The following RNLS variants were observed in gnomAD, a reference collection of about 807,000 sequenced individuals.
RNLS encodes the protein renalase, FAD dependent amine oxidase.
In RNLS, 39 loss-of-function variants were observed where a neutral mutation model predicts 39.8. That is an observed-to-expected ratio of 0.98 (90% CI 0.76 to 1.28). The LOEUF is 1.28. RNLS is among the 50% of genes most tolerant of loss of function. The probability of loss-of-function intolerance (pLI) is 0.00; values close to 1 mark genes in which losing one functional copy is unlikely to be tolerated. For missense variants in RNLS, 410 were observed against 413.3 expected, an observed-to-expected ratio of 0.99 and a Z score of 0.07; for synonymous variants, 147 against 150.7, an observed-to-expected ratio of 0.98 and a Z score of 0.18.
intron 4 of RNLS, among the ~76,000 whole-genome samples, chr10:88,383,041 G>A (rs1001998693): frequency 2.1e-4 from 32 of 152,024 alleles, no homozygotes; most frequent in African/African-American, 5.3e-4. Context: ...ATTCATCAGC[G>A]GTGCTTTGTG....
At chr10:88,490,824 G>A (rs189207403) in intron 4 of RNLS, among the ~76,000 whole-genome samples, 2 of 151,906 alleles carry the variant, frequency 1.3e-5, no homozygotes, top group Admixed American at 6.6e-5. Flanking sequence ...CAAACAGGAG[G>A]GAAAAACAAC....
chr10:88,455,365 A>G (rs1301031157), intron 4 of RNLS, among the ~76,000 whole-genome samples: 4 of 152,192 alleles, frequency 2.6e-5, no homozygotes, highest in African/African-American at 9.6e-5. Context: ...CAAGCAAGGA[A>G]TTCTTCCTGT....
chr10:88,458,274 T>C (rs1233310067), intron 4 of RNLS, among the ~76,000 whole-genome samples: 4 of 152,218 alleles, frequency 2.6e-5, no homozygotes, highest in African/African-American at 9.6e-5. Flanking sequence ...GGCAGAAGCA[T>C]AGCAAAACCT....
chr10:88,542,764 T>C (rs1231323461), intron 4 of RNLS, among the ~76,000 whole-genome samples: 1 of 152,118 alleles, frequency 6.6e-6, no homozygotes, highest in Non-Finnish European at 1.5e-5. Flanking sequence ...AAGAAGCATA[T>C]TTGATTACAA....
At chr10:88,234,300 G>C in the RNLS span, among the ~76,000 whole-genome samples, 1 of 151,982 alleles carries the variant, frequency 6.6e-6, no homozygotes, top group Non-Finnish European at 1.5e-5. Context: ...TTGGCATTGA[G>C]ACTCTCATGC....
At chr10:88,260,486 A>G in the RNLS span, among the ~76,000 whole-genome samples, 1 of 152,228 alleles carries the variant, frequency 6.6e-6, no homozygotes, top group Non-Finnish European at 1.5e-5. Context: ...CTGAGTGGCT[A>G]GCTAAATTGA....
chr10:88,321,004 T>C (rs1250465571), intron 5 of RNLS, among the ~76,000 whole-genome samples: 1 of 151,644 alleles, frequency 6.6e-6, no homozygotes, highest in Non-Finnish European at 1.5e-5. Context: ...TATGTTTTTC[T>C]CATCTGTGCA....
the RNLS span, among the ~76,000 whole-genome samples, chr10:88,225,435 C>T: frequency 2.0e-5 from 3 of 152,198 alleles, no homozygotes; most frequent in African/African-American, 7.2e-5. Context: ...CAACTGGGAG[C>T]TGGGTGCGGT....
At chr10:88,238,478 A>T in the RNLS span, among the ~76,000 whole-genome samples, 1 of 152,200 alleles carries the variant, frequency 6.6e-6, no homozygotes, top group Admixed American at 6.5e-5. Context: ...TTGAGGCTGG[A>T]GGCTGATGGA....
rs141472301 is a variant in RNLS, at chr10:88,305,643, T to C, written c.876+8823A>G. Among the ~76,000 whole-genome samples the C allele has an allele frequency of 4.8e-3, 734 of 152,290 alleles. 5 individuals are homozygous for C. The highest frequency in any genetic ancestry group is 0.017 in the African/African-American group (693 of 41,546). ...AGAAGATCTAACTATCCTAAATATA[T>C]ATGCACCCAATACAGGAGCACCTAG... On this transcript the variant is annotated intron_variant, in intron 6 of 6. Transcript: ENST00000331772.
At chr10:88,519,410 CAT>C (rs1411561705) in intron 4 of RNLS, among the ~76,000 whole-genome samples, 7 of 151,230 alleles carry the variant, frequency 4.6e-5, no homozygotes, top group Non-Finnish European at 1.5e-5. Context: ...ATAAAAACAA[CAT>C]ATATATATTT....
chr10:88,296,007 A>G (rs1285084333), intron 6 of RNLS, among the ~76,000 whole-genome samples: 3 of 152,186 alleles, frequency 2.0e-5, no homozygotes, highest in African/African-American at 7.2e-5. Flanking sequence ...TATCCTTTAG[A>G]GTTTTTAATT....
rs747127606 is a variant in RNLS, at chr10:88,314,472, A to T, written c.870T>A (p.His290Gln). 2 of 1,613,832 alleles carry T rather than the reference A, an allele frequency of 1.2e-6. No homozygotes were observed. The highest frequency in any genetic ancestry group is 1.7e-6 in the Non-Finnish European group (2 of 1,179,770). ...PIATKCQKWR[H>Q]SQVTNAAANC... ...CACTGGATTCTTTGATTACCTGTGAATGTCTCCATTTTTGGCATTTGGTAG... is the reference window on the plus strand; with the variant it reads ...CACTGGATTCTTTGATTACCTGTGATTGTCTCCATTTTTGGCATTTGGTAG... Residue 290 changes from histidine (H) to glutamine (Q), a missense_variant, in exon 6 of 7, where the codon CAT (histidine) becomes CAA (glutamine). Transcript: ENST00000331772.
At chr10:88,442,644 T>A (rs2133855642) in intron 4 of RNLS, among the ~76,000 whole-genome samples, 1 of 152,248 alleles carries the variant, frequency 6.6e-6, no homozygotes, top group East Asian at 1.9e-4. Context: ...TCTCCTTGGC[T>A]CTCCTCCTTT....
intron 4 of RNLS, among the ~76,000 whole-genome samples, chr10:88,397,963 C>T (rs182651244): frequency 4.1e-4 from 63 of 152,050 alleles, no homozygotes; most frequent in Admixed American, 2.3e-3. Context: ...TGACTGGGGA[C>T]CAAGACCACT....
chr10:88,173,808 A>G, the RNLS span, among the ~76,000 whole-genome samples: 2 of 152,122 alleles, frequency 1.3e-5, no homozygotes, highest in East Asian at 3.9e-4. Context: ...AAAAAAAATT[A>G]TGTCCATAGG....
chr10:88,497,096 C>T (rs1199070681), intron 4 of RNLS, among the ~76,000 whole-genome samples: 1 of 151,986 alleles, frequency 6.6e-6, no homozygotes, highest in Non-Finnish European at 1.5e-5. Flanking sequence ...TAGGGTCAGA[C>T]ATGGAGTCTG....
intron 6 of RNLS, among the ~76,000 whole-genome samples, chr10:88,287,932 A>T (rs1190513222): frequency 6.6e-6 from 1 of 152,128 alleles, no homozygotes; most frequent in Admixed American, 6.6e-5. Flanking sequence ...GCCAAACCAT[A>T]TTGGGATGCT....
At chr10:88,550,331 T>C (rs1236351359) in intron 4 of RNLS, among the ~76,000 whole-genome samples, 7 of 152,192 alleles carry the variant, frequency 4.6e-5, no homozygotes, top group South Asian at 2.1e-4. Flanking sequence ...TATGTAGATA[T>C]TAGGTGATGG....
Sources: gnomAD v4.1 joint callset for allele counts (sites outside exome capture counted in the v4.1 genomes callset) on GRCh38, gnomAD v4.1.1 for gene constraint, MANE v1.5 for transcripts, NCBI Gene and HGNC (gene_info 2026-07-23, HGNC 2026-07-21) for gene names.